Variants in NRG3 observed in about 807,000 individuals in gnomAD.
NRG3 encodes neuregulin 3.
Under a neutral mutation model 66.9 loss-of-function variants are expected in NRG3, and 31 were observed. That is an observed-to-expected ratio of 0.46 (90% CI 0.35 to 0.63). The LOEUF (loss-of-function observed/expected upper bound fraction) is 0.63. NRG3 is among the 20% of genes least tolerant of loss of function. The probability of loss-of-function intolerance (pLI) is 0.00; values close to 1 mark genes in which losing one functional copy is unlikely to be tolerated. For synonymous variants in NRG3, 393 were observed against 359.4 expected, an observed-to-expected ratio of 1.09 and a Z score of -1.06; for missense variants, 910 against 878.9, an observed-to-expected ratio of 1.04 and a Z score of -0.45.
intron 1 of NRG3, among the ~76,000 whole-genome samples, chr10:82,114,559 A>G (rs907553791): frequency 2.6e-5 from 4 of 152,144 alleles, no homozygotes; most frequent in Non-Finnish European, 5.9e-5. Flanking sequence ...GCATGTCGTC[A>G]AAAGTGTCTC....
intron 1 of NRG3, among the ~76,000 whole-genome samples, chr10:82,202,688 G>A (rs2074904598): frequency 6.6e-6 from 1 of 152,158 alleles, no homozygotes; most frequent in Non-Finnish European, 1.5e-5. Context: ...AAAATCAACG[G>A]CTTAAATGTC....
intron 1 of NRG3, among the ~76,000 whole-genome samples, chr10:81,910,638 A>G (rs1456159506): frequency 6.6e-6 from 1 of 151,992 alleles, no homozygotes; most frequent in Admixed American, 6.6e-5. Flanking sequence ...TATTTTGATA[A>G]ACTTCTTTTT....
At chr10:82,527,495 A>T (rs1303926473) in intron 2 of NRG3, among the ~76,000 whole-genome samples, 2 of 152,164 alleles carry the variant, frequency 1.3e-5, no homozygotes, top group African/African-American at 4.8e-5. Flanking sequence ...GATGATCTAA[A>T]CATGTATATT....
At chr10:82,237,236 T>G (rs7915399) in intron 1 of NRG3, among the ~76,000 whole-genome samples, 19,467 of 152,100 alleles carry the variant, frequency 0.13, 1,361 homozygotes, top group East Asian at 0.24. Flanking sequence ...ACCAAATTAT[T>G]TTCTGCCTCA....
Position 82,536,410 on chromosome 10 carries a change from A to T in NRG3, c.953+177542A>T, listed in dbSNP as rs1280782381. Among the ~76,000 whole-genome samples the T allele has an allele frequency of 2.0e-5, 3 of 152,312 alleles. No homozygotes were observed. In the East Asian group the frequency reaches 5.8e-4, roughly 29 times the overall value. ...AGAATTAAATTTGTTTTACTCGCAT[A>T]GAGTTAGGGGTCAGAATTTCTCTAT... On this transcript the variant is annotated intron_variant, in intron 2 of 8. Transcript: ENST00000372141.
At chr10:82,962,788 G>A (rs1592106023) in intron 6 of NRG3, among the ~76,000 whole-genome samples, 1 of 152,162 alleles carries the variant, frequency 6.6e-6, no homozygotes, top group East Asian at 1.9e-4. Flanking sequence ...GCAGTGACCC[G>A]ATACCATGCC....
intron 1 of NRG3, among the ~76,000 whole-genome samples, chr10:81,999,255 C>T (rs1461830057): frequency 1.3e-5 from 2 of 152,170 alleles, no homozygotes; most frequent in Non-Finnish European, 2.9e-5. Context: ...GACCTCAAGG[C>T]TCAACTGACA....
chr10:82,949,087 T>A (rs894905765), intron 4 of NRG3, among the ~76,000 whole-genome samples: 1 of 152,034 alleles, frequency 6.6e-6, no homozygotes, highest in Non-Finnish European at 1.5e-5. Flanking sequence ...GTTTTGAGAG[T>A]TTTAATCAAG....
chr10:82,881,633 T>C (rs915798932), intron 4 of NRG3, among the ~76,000 whole-genome samples: 3 of 152,270 alleles, frequency 2.0e-5, no homozygotes, highest in Admixed American at 2.0e-4. Flanking sequence ...TGAAGCCAGG[T>C]GGACATTTAT....
intron 3 of NRG3, among the ~76,000 whole-genome samples, chr10:82,849,654 A>G (rs928289851): frequency 5.3e-5 from 8 of 152,158 alleles, no homozygotes; most frequent in South Asian, 2.1e-4. Flanking sequence ...AGCTTTGTAA[A>G]TGTCTGAAAG....
intron 2 of NRG3, among the ~76,000 whole-genome samples, chr10:82,478,154 G>A (rs1841954131): frequency 1.3e-5 from 2 of 151,934 alleles, no homozygotes; most frequent in African/African-American, 2.4e-5. Flanking sequence ...CTGTTAACTG[G>A]GTGAGATTTA....
intron 1 of NRG3, among the ~76,000 whole-genome samples, chr10:82,251,047 A>G (rs2077463193): frequency 6.6e-6 from 1 of 152,246 alleles, no homozygotes; most frequent in Admixed American, 6.5e-5. Flanking sequence ...ACAAATCTGA[A>G]TTCCTGGGCT....
intron 1 of NRG3, among the ~76,000 whole-genome samples, chr10:82,226,649 G>A (rs1340978255): frequency 6.6e-6 from 1 of 152,098 alleles, no homozygotes; most frequent in Non-Finnish European, 1.5e-5. Flanking sequence ...TTCAGGCATT[G>A]TGCATGCTAT....
intron 1 of NRG3, among the ~76,000 whole-genome samples, chr10:81,925,825 C>T (rs1846725557): frequency 6.6e-6 from 1 of 151,796 alleles, no homozygotes; most frequent in South Asian, 2.1e-4. Flanking sequence ...AAGAAAGGAA[C>T]TTTGATTTCC....
chr10:82,100,268 C>CT (rs545191982), intron 1 of NRG3, among the ~76,000 whole-genome samples: 162 of 152,024 alleles, frequency 1.1e-3, no homozygotes, highest in African/African-American at 3.7e-3. Context: ...CTTCCAGGAG[C>CT]TTTTTTGTGG....
At chr10:82,189,712 C>A (rs890304516) in intron 1 of NRG3, among the ~76,000 whole-genome samples, 1 of 152,180 alleles carries the variant, frequency 6.6e-6, no homozygotes, top group Middle Eastern at 3.4e-3. Context: ...ATCGCTTGAA[C>A]CTGGGAGGTG....
intron 1 of NRG3, among the ~76,000 whole-genome samples, chr10:81,992,268 G>T (rs934914835): frequency 2.6e-5 from 4 of 151,912 alleles, no homozygotes; most frequent in African/African-American, 9.7e-5. Flanking sequence ...AAAGAATGTT[G>T]GTTTATAATT....
At chr10:82,301,964 T>A (rs1387645093) in intron 1 of NRG3, among the ~76,000 whole-genome samples, 7 of 151,974 alleles carry the variant, frequency 4.6e-5, no homozygotes, top group African/African-American at 2.4e-5. Context: ...CCTTTTGATA[T>A]GAAAATTGAC....
At chr10:82,573,299 G>C (rs2045847573) in intron 2 of NRG3, among the ~76,000 whole-genome samples, 1 of 151,734 alleles carries the variant, frequency 6.6e-6, no homozygotes, top group South Asian at 2.1e-4. Flanking sequence ...ATGGAGTCCT[G>C]ACTCAATTTT....
Sources: allele counts gnomAD v4.1 joint callset (sites outside exome capture counted in the v4.1 genomes callset), GRCh38; gene constraint gnomAD v4.1.1; transcripts MANE v1.5; gene names NCBI Gene and HGNC (gene_info 2026-07-23, HGNC 2026-07-21).